Variants in MTSS1 observed in about 807,000 individuals in gnomAD.
The protein encoded by MTSS1 is protein MTSS 1.
A neutral mutation model predicts 79.0 loss-of-function variants in MTSS1; 18 were observed. The ratio of observed to expected loss-of-function variants is 0.23; its 90% CI spans 0.16 to 0.34. The LOEUF is 0.34. MTSS1 is among the 10% of genes least tolerant of loss of function. The probability of loss-of-function intolerance (pLI) is 1.00; values close to 1 mark genes in which losing one functional copy is unlikely to be tolerated. For synonymous variants in MTSS1, 341 were observed against 368.6 expected (o/e 0.93, Z 0.86); for missense variants, 815 against 986.2 (o/e 0.83, Z 2.33).
chr8:124,724,447 T>C (rs1588011593), intron 1 of MTSS1, among the ~76,000 whole-genome samples: 1 of 152,102 alleles, frequency 6.6e-6, no homozygotes, highest in African/African-American at 2.4e-5. Context: ...CCAGGTGTGG[T>C]TGGGGTTGTC....
chr8:124,601,221 T>A (rs1028999033), intron 3 of MTSS1, among the ~76,000 whole-genome samples: 4 of 152,010 alleles, frequency 2.6e-5, no homozygotes, highest in African/African-American at 9.7e-5. Context: ...CCACCATGCC[T>A]GACTAATTTT....
At chr8:124,700,173 G>A (rs1222412789) in intron 2 of MTSS1, among the ~76,000 whole-genome samples, 2 of 150,566 alleles carry the variant, frequency 1.3e-5, no homozygotes, top group African/African-American at 4.9e-5. Flanking sequence ...CCTACTACCA[G>A]GCAAAGTTTT....
chr8:124,563,433 A>G (rs1825761185), intron 9 of MTSS1: 2 of 203,278 alleles, frequency 9.8e-6, no homozygotes, highest in Admixed American at 5.3e-5. Flanking sequence ...GGGCTTCAGC[A>G]TGACTGGAAT....
At chr8:124,673,833 A>G (rs1337442227) in intron 3 of MTSS1, among the ~76,000 whole-genome samples, 4 of 152,234 alleles carry the variant, frequency 2.6e-5, no homozygotes, top group Non-Finnish European at 5.9e-5. Context: ...ACCAACAGCC[A>G]GATCTACCTG....
At chr8:124,576,413 A>C (rs4301438) in intron 6 of MTSS1, among the ~76,000 whole-genome samples, 3,810 of 152,272 alleles carry the variant, frequency 0.025, 119 homozygotes, top group African/African-American at 0.083. Context: ...CTACACTAAC[A>C]CTAGGTGTGT....
At chr8:124,629,903 C>T (rs1240201613) in intron 3 of MTSS1, among the ~76,000 whole-genome samples, 2 of 152,180 alleles carry the variant, frequency 1.3e-5, no homozygotes, top group Non-Finnish European at 2.9e-5. Context: ...ACACACCGTG[C>T]GTTCTTAAAT....
At chr8:124,568,736 A>G in intron 6 of MTSS1, 200 bp from the exon 7 acceptor site, 8 of 1,479,962 alleles carry the variant, frequency 5.4e-6, no homozygotes, top group Non-Finnish European at 7.2e-6. Flanking sequence ...CCCAAAGGGC[A>G]CATTTAGCCT....
intron 6 of MTSS1, among the ~76,000 whole-genome samples, chr8:124,571,758 G>A (rs1827836227): frequency 6.6e-6 from 1 of 152,234 alleles, no homozygotes; most frequent in African/African-American, 2.4e-5. Context: ...GAGGTCAGGA[G>A]TTCAAGACCA....
intron 1 of MTSS1, among the ~76,000 whole-genome samples, chr8:124,718,063 T>A (rs531245845): frequency 6.6e-6 from 1 of 151,624 alleles, no homozygotes; most frequent in Non-Finnish European, 1.5e-5. Context: ...TCTGACACAG[T>A]CTTGGCTCCC....
intron 3 of MTSS1, chr8:124,698,119 C>T (rs997978301): frequency 1.3e-5 from 2 of 152,166 alleles, no homozygotes; most frequent in Admixed American, 6.5e-5. Flanking sequence ...AGTCATATTG[C>T]TTTTTGTGGT....
chr8:124,696,653 C>A (rs1828874000), intron 3 of MTSS1, among the ~76,000 whole-genome samples: 1 of 152,002 alleles, frequency 6.6e-6, no homozygotes, highest in Admixed American at 6.6e-5. Context: ...GAGTTCGAGA[C>A]CAGTCTGGCC....
At chr8:124,642,253 G>A (rs1397955707) in intron 3 of MTSS1, among the ~76,000 whole-genome samples, 5 of 152,106 alleles carry the variant, frequency 3.3e-5, no homozygotes, top group Non-Finnish European at 4.4e-5. Context: ...TTAATTTAAC[G>A]AATCAATCAG....
chr8:124,674,850 T>G (rs1022096321), intron 3 of MTSS1, among the ~76,000 whole-genome samples: 3 of 152,038 alleles, frequency 2.0e-5, no homozygotes, highest in Non-Finnish European at 4.4e-5. Flanking sequence ...GCCTCCCAGT[T>G]AGCTGGGATT....
rs569476879 is a variant in MTSS1, at chr8:124,639,828, T to C, written c.209-48593A>G. On this transcript the variant is annotated intron_variant, in intron 3 of 13. Transcript: ENST00000518547. ...CTAAATGTTCATCATCTGCAAAGCC[T>C]AACCTTTCGTTCAATTTCTTGCCCC... Among the ~76,000 whole-genome samples, 52 of 152,366 alleles carry C rather than the reference T, an allele frequency of 3.4e-4. 2 individuals carry two copies. The South Asian group carries it at 5.6e-3, about 16-fold the overall frequency.
intron 3 of MTSS1, among the ~76,000 whole-genome samples, chr8:124,645,115 C>G (rs1239134921): frequency 6.6e-6 from 1 of 152,162 alleles, no homozygotes; most frequent in Non-Finnish European, 1.5e-5. Context: ...CACCTATAAT[C>G]CCAGCACTTT....
At chr8:124,646,822 TTC>T (rs142251173) in intron 3 of MTSS1, among the ~76,000 whole-genome samples, 11 of 150,598 alleles carry the variant, frequency 7.3e-5, no homozygotes, top group Non-Finnish European at 7.4e-5. Flanking sequence ...CATTACATCT[TTC>T]TCTCTCTCTC....
intron 1 of MTSS1, among the ~76,000 whole-genome samples, chr8:124,719,215 A>G (rs1448766420): frequency 6.6e-6 from 1 of 152,208 alleles, no homozygotes; most frequent in African/African-American, 2.4e-5. Flanking sequence ...GCAGCACCTC[A>G]GTTTCCCCAT....
In MTSS1 at chr8:124,555,997, G is replaced by A. The variant is rs1326989851; in HGVS notation, c.1405-93C>T. On this transcript the variant is annotated intron_variant, in intron 12 of 13. Transcript: ENST00000518547. ...CCCCCGTGAGCACTACATGTCTGTGGGGCCAGGGGGCTATTGACTTGCTTG... is the reference window on the plus strand; with the variant it reads ...CCCCCGTGAGCACTACATGTCTGTGAGGCCAGGGGGCTATTGACTTGCTTG... 28 of 1,557,048 alleles carry A rather than the reference G, an allele frequency of 1.8e-5. No individual in the cohort carries two copies. The Admixed American group carries it at 2.5e-4, about 14-fold the overall frequency.
At chr8:124,646,308 C>T (rs1173666257) in intron 3 of MTSS1, among the ~76,000 whole-genome samples, 2 of 152,156 alleles carry the variant, frequency 1.3e-5, no homozygotes, top group African/African-American at 2.4e-5. Flanking sequence ...ATCGGGAGAA[C>T]ATGTAATAAT....
Sources: allele counts gnomAD v4.1 joint callset (sites outside exome capture counted in the v4.1 genomes callset), GRCh38; gene constraint gnomAD v4.1.1; transcripts MANE v1.5; gene names NCBI Gene and HGNC (gene_info 2026-07-23, HGNC 2026-07-21).